The following SHTN1 variants were observed in gnomAD, a reference collection of about 807,000 sequenced individuals.
SHTN1 encodes the protein shootin 1.
SHTN1 carries 42 observed loss-of-function variants against 83.1 expected under a neutral mutation model. The observed-to-expected ratio is 0.51, with a 90% CI of 0.39 to 0.65. The LOEUF (loss-of-function observed/expected upper bound fraction) is 0.65, where lower values mean the gene tolerates loss of function less well. SHTN1 is among the 30% of genes least tolerant of loss of function. The probability of loss-of-function intolerance (pLI) is 0.00; values close to 1 mark genes in which losing one functional copy is unlikely to be tolerated. For missense variants in SHTN1, 622 were observed against 737.8 expected (o/e 0.84, Z 1.82); for synonymous variants, 224 against 247.7 (o/e 0.90, Z 0.90).
intron 9 of SHTN1, among the ~76,000 whole-genome samples, chr10:116,932,697 G>A (rs942624541): frequency 1.1e-4 from 17 of 152,084 alleles, no homozygotes; most frequent in Admixed American, 2.0e-4. Flanking sequence ...AACTAACGTG[G>A]GTTTATCAGG....
chr10:117,018,580 T>G (rs1343032380), intron 2 of SHTN1, among the ~76,000 whole-genome samples: 6 of 149,634 alleles, frequency 4.0e-5, no homozygotes, highest in Non-Finnish European at 5.9e-5. Flanking sequence ...TTTTTTTTTT[T>G]TTTTTTTTTG....
At chr10:116,951,610 T>G (rs1281354946) in intron 6 of SHTN1, among the ~76,000 whole-genome samples, 1 of 152,226 alleles carries the variant, frequency 6.6e-6, no homozygotes, top group Non-Finnish European at 1.5e-5. Context: ...ATATATGACT[T>G]GAAATAGTAG....
intron 3 of SHTN1, among the ~76,000 whole-genome samples, chr10:116,963,165 G>A (rs1183489499): frequency 1.5e-5 from 2 of 134,824 alleles, no homozygotes; most frequent in Non-Finnish European, 3.1e-5. Flanking sequence ...TCCGCCTCCC[G>A]GGTTCACGCC....
chr10:116,988,272 T>C (rs947176647), intron 1 of SHTN1, among the ~76,000 whole-genome samples: 2 of 151,286 alleles, frequency 1.3e-5, no homozygotes, highest in African/African-American at 4.8e-5. Context: ...AAATCTAAAC[T>C]TCTAAAAAAA....
intron 1 of SHTN1, among the ~76,000 whole-genome samples, chr10:117,081,770 G>A (rs1853267466): frequency 6.7e-6 from 1 of 149,360 alleles, no homozygotes; most frequent in African/African-American, 2.4e-5. Context: ...TTGGGAGAGT[G>A]TATGTGTCAA....
chr10:116,884,418 A>G lies in SHTN1; in HGVS notation c.*1926T>C. The G allele has an allele frequency of 2.7e-6, 1 of 366,584 alleles. No homozygotes were observed. Among genetic ancestry groups the G allele is most frequent in the East Asian group, 7.5e-5 (1 of 13,266 alleles). The allele number at this position is 366,584 out of a possible 1,614,324, so 22.7% of individuals were successfully genotyped here. On this transcript the variant is annotated 3_prime_UTR_variant, in exon 17 of 17. Transcript: ENST00000355371. The stretch of plus-strand genomic sequence containing the variant: ...CAGTGAGAGAAAGTAAGCAGCTTAA[A>G]AAAGGCAGGAATACTTTCAAAATAC...
intron 1 of SHTN1, among the ~76,000 whole-genome samples, chr10:117,074,533 C>T (rs958762087): frequency 3.9e-5 from 6 of 152,168 alleles, no homozygotes; most frequent in Non-Finnish European, 7.3e-5. Context: ...ATCCACAACT[C>T]ACAAAAAGAA....
intron 16 of SHTN1, 44 bp from the exon 17 acceptor site, chr10:116,886,610 A>G: frequency 6.2e-7 from 1 of 1,608,432 alleles, no homozygotes; most frequent in Non-Finnish European, 8.5e-7. Context: ...AAGCAGAGAG[A>G]GAAAATAGTT....
chr10:117,005,342 G>A (rs1393648434), upstream of SHTN1: 30 of 1,291,386 alleles, frequency 2.3e-5, 1 homozygote, highest in South Asian at 5.4e-4. Context: ...AACGAGGGCG[G>A]GTCGGCAGCC....
rs762971972 is a variant in SHTN1 at position 116,968,734 on chromosome 10, A to G, written c.112-22T>C. On this transcript the variant is annotated intron_variant, in intron 2 of 16. Transcript: ENST00000355371. Reference sequence around the variant, plus strand: ...CACACTGAAATGAGAGAAGTAAACAAATGTTAAACTTCAATCATAAATTTT... The same window carrying G: ...CACACTGAAATGAGAGAAGTAAACAGATGTTAAACTTCAATCATAAATTTT... 7 of 1,585,002 alleles carry G rather than the reference A, an allele frequency of 4.4e-6. No individual in the cohort carries two copies. In the East Asian group the frequency reaches 1.6e-4, roughly 35 times the overall value.
chr10:117,070,124 T>A (rs1234056704), intron 1 of SHTN1, among the ~76,000 whole-genome samples: 5 of 145,692 alleles, frequency 3.4e-5, no homozygotes, highest in East Asian at 2.0e-4. Flanking sequence ...ATCAAACTGC[T>A]AAAAAAAAAA....
intron 2 of SHTN1, among the ~76,000 whole-genome samples, chr10:116,969,982 T>G (rs1589854891): frequency 2.0e-5 from 3 of 152,322 alleles, no homozygotes; most frequent in Admixed American, 2.0e-4. Context: ...TAAATTATAT[T>G]TGATTGCTAA....
intron 2 of SHTN1, chr10:117,023,631 C>A (rs190693819): frequency 1.3e-5 from 2 of 152,746 alleles, no homozygotes; most frequent in South Asian, 2.1e-4. Flanking sequence ...TTGCCGTCTT[C>A]CTATGCCACT....
intron 2 of SHTN1, among the ~76,000 whole-genome samples, chr10:117,046,042 T>A (rs909117358): frequency 1.3e-5 from 2 of 152,112 alleles, no homozygotes; most frequent in African/African-American, 4.8e-5. Context: ...ATCAATGTGC[T>A]TTATAATTGG....
intron 7 of SHTN1, among the ~76,000 whole-genome samples, chr10:116,946,890 T>G (rs1385316829): frequency 6.6e-6 from 1 of 151,694 alleles, no homozygotes; most frequent in Non-Finnish European, 1.5e-5. Flanking sequence ...TCTGGCTAAT[T>G]TTTGTATTTC....
At chr10:117,058,470 A>G (rs548729715) in intron 1 of SHTN1, among the ~76,000 whole-genome samples, 2 of 152,320 alleles carry the variant, frequency 1.3e-5, no homozygotes, top group Admixed American at 6.5e-5. Flanking sequence ...CAAAAGCACA[A>G]TGAGATACCA....
intron 1 of SHTN1, among the ~76,000 whole-genome samples, chr10:117,050,570 A>T (rs1175865045): frequency 6.6e-6 from 1 of 152,212 alleles, no homozygotes; most frequent in Admixed American, 6.5e-5. Flanking sequence ...TAGAACAAGT[A>T]AGGAAATAAT....
chr10:117,015,629 C>A (rs889510492), intron 2 of SHTN1, among the ~76,000 whole-genome samples: 6 of 152,182 alleles, frequency 3.9e-5, no homozygotes, highest in African/African-American at 1.4e-4. Context: ...CCGTGCCCGG[C>A]CTGTAGTAAT....
chr10:116,969,781 A>G (rs1850538312), intron 2 of SHTN1, among the ~76,000 whole-genome samples: 1 of 152,176 alleles, frequency 6.6e-6, no homozygotes, highest in Non-Finnish European at 1.5e-5. Context: ...TAAAAAACCT[A>G]ATGTTTATTA....
Sources: gnomAD v4.1 joint callset for allele counts (sites outside exome capture counted in the v4.1 genomes callset) on GRCh38, gnomAD v4.1.1 for gene constraint, MANE v1.5 for transcripts, NCBI Gene and HGNC (gene_info 2026-07-23, HGNC 2026-07-21) for gene names.